The following ASIC2 variants were observed in gnomAD, a reference collection of about 807,000 sequenced individuals.
The protein encoded by ASIC2 is acid-sensing ion channel 2.
A neutral mutation model predicts 57.3 loss-of-function variants in ASIC2; 25 were observed. That is an observed-to-expected ratio of 0.44 (90% confidence interval 0.32 to 0.61). ASIC2 has a LOEUF of 0.61. ASIC2 is among the 20% of genes least tolerant of loss of function. The pLI, the probability that ASIC2 is intolerant of heterozygous loss-of-function variation, is 0.06. For synonymous variants in ASIC2, 319 were observed against 307.5 expected (o/e 1.04, Z -0.39); for missense variants, 641 against 738.1 (o/e 0.87, Z 1.52).
intron 1 of ASIC2, among the ~76,000 whole-genome samples, chr17:33,576,671 G>A (rs1916632407): frequency 6.6e-6 from 1 of 152,156 alleles, no homozygotes; most frequent in Non-Finnish European, 1.5e-5. Flanking sequence ...AGAACTCATT[G>A]CAATCCAGTG....
chr17:33,571,260 T>C (rs1378305072), intron 1 of ASIC2, among the ~76,000 whole-genome samples: 1 of 152,222 alleles, frequency 6.6e-6, no homozygotes, highest in Non-Finnish European at 1.5e-5. Flanking sequence ...GTCTAGACTC[T>C]GGCAACTGTC....
chr17:34,108,284 AT>A (rs1269503818), intron 1 of ASIC2, among the ~76,000 whole-genome samples: 2 of 152,048 alleles, frequency 1.3e-5, no homozygotes, highest in African/African-American at 2.4e-5. Context: ...CTGTTCATGC[AT>A]TTTTTTATAT....
rs796892084 is a variant in ASIC2 at position 33,017,414 on chromosome 17, C to T, written c.1521+191G>A. 3.3e-5 allele frequency among the ~76,000 whole-genome samples: 5 copies of T among 152,290 alleles called. 1 individual carries two copies. The highest frequency in any genetic ancestry group is 9.6e-5 in the African/African-American group (4 of 41,576). On this transcript the variant is annotated intron_variant, in intron 8 of 9. Coordinates refer to ENST00000225823, the MANE Select transcript of ASIC2 (RefSeq NM_183377.2). ...CCTGTGTTTCTCTTACATCCACCGC[C>T]CCCCAAAAACCTCCCATCCCCTTGC...
chr17:33,347,287 G>A (rs1907986511), intron 1 of ASIC2, among the ~76,000 whole-genome samples: 1 of 152,190 alleles, frequency 6.6e-6, no homozygotes. Flanking sequence ...CTACCTAATT[G>A]CATTCAAGTA....
chr17:33,518,878 TG>T (rs1401566099), intron 1 of ASIC2, among the ~76,000 whole-genome samples: 4 of 151,952 alleles, frequency 2.6e-5, no homozygotes, highest in Non-Finnish European at 5.9e-5. Flanking sequence ...TGGAGTACAG[TG>T]GCGTGATCTC....
intron 1 of ASIC2, among the ~76,000 whole-genome samples, chr17:33,885,266 T>G (rs749471856): frequency 6.6e-6 from 1 of 152,194 alleles, no homozygotes; most frequent in Non-Finnish European, 1.5e-5. Context: ...ACACTCAAAG[T>G]CTATACTTTT....
intron 1 of ASIC2, among the ~76,000 whole-genome samples, chr17:33,736,719 G>C (rs949043531): frequency 1.3e-5 from 2 of 151,820 alleles, no homozygotes; most frequent in East Asian, 1.9e-4. Flanking sequence ...CCTCCTCTCC[G>C]AGATCATTAG....
At chr17:33,311,604 T>C (rs1906428839) in intron 1 of ASIC2, among the ~76,000 whole-genome samples, 1 of 151,860 alleles carries the variant, frequency 6.6e-6, no homozygotes, top group Non-Finnish European at 1.5e-5. Context: ...ACTCTAGGAG[T>C]TTGGGAGATG....
intron 1 of ASIC2, among the ~76,000 whole-genome samples, chr17:33,399,767 C>T (rs1251332515): frequency 6.6e-6 from 1 of 152,158 alleles, no homozygotes; most frequent in Non-Finnish European, 1.5e-5. Context: ...AGTTAGCTCT[C>T]CTAAAAGGAG....
At chr17:33,697,867 C>A (rs1346141306) in intron 1 of ASIC2, among the ~76,000 whole-genome samples, 1 of 152,174 alleles carries the variant, frequency 6.6e-6, no homozygotes, top group Non-Finnish European at 1.5e-5. Flanking sequence ...GACTGGGGCC[C>A]AGAGTGTATT....
intron 1 of ASIC2, among the ~76,000 whole-genome samples, chr17:33,511,957 G>T (rs1326715789): frequency 6.6e-6 from 1 of 152,162 alleles, no homozygotes; most frequent in Non-Finnish European, 1.5e-5. Flanking sequence ...GGTCAAGAGG[G>T]CTCTTAGATA....
intron 3 of ASIC2, chr17:33,052,039 C>G (rs1212232213): frequency 1.3e-5 from 2 of 152,196 alleles, no homozygotes; most frequent in Non-Finnish European, 2.9e-5. Flanking sequence ...TATGGAAAGC[C>G]AGTGCTGGGA....
At chr17:33,160,261 T>C (rs1905126950) in intron 1 of ASIC2, among the ~76,000 whole-genome samples, 1 of 151,930 alleles carries the variant, frequency 6.6e-6, no homozygotes, top group Admixed American at 6.6e-5. Context: ...TGAATAATGA[T>C]TATTGTTAAT....
At chr17:33,662,656 TA>T (rs1324430103) in intron 1 of ASIC2, among the ~76,000 whole-genome samples, 1 of 145,118 alleles carries the variant, frequency 6.9e-6, no homozygotes, top group African/African-American at 2.6e-5. Flanking sequence ...AATAAATAAA[TA>T]AATAAATAAA....
At chr17:33,211,225 G>T (rs1313693279) in intron 1 of ASIC2, among the ~76,000 whole-genome samples, 6 of 152,118 alleles carry the variant, frequency 3.9e-5, no homozygotes, top group Non-Finnish European at 7.3e-5. Context: ...TTAGTAGAGG[G>T]ATGAGGCTGA....
chr17:33,343,888 T>C (rs894831663), intron 1 of ASIC2, among the ~76,000 whole-genome samples: 2 of 152,232 alleles, frequency 1.3e-5, no homozygotes, highest in Non-Finnish European at 2.9e-5. Flanking sequence ...AAAGCGACTG[T>C]GCCTTTGCCC....
intron 1 of ASIC2, among the ~76,000 whole-genome samples, chr17:33,271,884 G>A (rs1318721095): frequency 6.6e-6 from 1 of 152,186 alleles, no homozygotes; most frequent in Admixed American, 6.5e-5. Context: ...TCCAAGTTCA[G>A]CCCAGCCTAC....
chr17:33,517,587 G>T lies in ASIC2; in HGVS notation c.556-405520C>A, dbSNP rs552666290. The stretch of plus-strand genomic sequence containing the variant: ...ATTTGAAGACTTAACTGGGGTTGGA[G>T]AATCTACTCTGAGGGTCAATGCACA... On this transcript the variant is annotated intron_variant, in intron 1 of 9. Transcript: ENST00000359872. Among the ~76,000 whole-genome samples the T allele has an allele frequency of 1.1e-4, 17 of 150,760 alleles. No individual in the cohort carries two copies. The South Asian group carries it at 3.6e-3, about 32-fold the overall frequency.
chr17:33,100,526 C>A (rs1057443176), intron 2 of ASIC2, among the ~76,000 whole-genome samples: 1 of 152,222 alleles, frequency 6.6e-6, no homozygotes, highest in African/African-American at 2.4e-5. Flanking sequence ...CTTCTAGATT[C>A]TCAATCTATC....
Sources: allele counts gnomAD v4.1 joint callset (sites outside exome capture counted in the v4.1 genomes callset), GRCh38; gene constraint gnomAD v4.1.1; transcripts MANE v1.5; gene names NCBI Gene and HGNC (gene_info 2026-07-23, HGNC 2026-07-21).